Variants in HORMAD2 observed in about 807,000 individuals in gnomAD.
HORMAD2 encodes HORMA domain containing 2.
Under a neutral mutation model 38.8 loss-of-function variants are expected in HORMAD2, and 45 were observed. That is an observed-to-expected ratio of 1.16 (90% CI 0.91 to 1.49). HORMAD2 has a LOEUF of 1.49. Ranked by LOEUF, HORMAD2 falls within the 40% of genes most tolerant of loss-of-function variation. The pLI is 0.00. For synonymous variants in HORMAD2, 126 were observed against 122.8 expected (o/e 1.03, Z -0.17); for missense variants, 338 against 367.0 (o/e 0.92, Z 0.65).
chr22:30,152,483 C>T (rs147955273), intron 10 of HORMAD2, among the ~76,000 whole-genome samples: 23 of 151,868 alleles, frequency 1.5e-4, no homozygotes, highest in Non-Finnish European at 3.1e-4. Flanking sequence ...TGTACCACCA[C>T]GCATGACTAA....
At chr22:30,106,355 A>G (rs1257077919) in intron 5 of HORMAD2, among the ~76,000 whole-genome samples, 1 of 152,168 alleles carries the variant, frequency 6.6e-6, no homozygotes, top group African/African-American at 2.4e-5. Context: ...TTATGTAAAA[A>G]TATCAGAGAT....
intron 2 of HORMAD2, among the ~76,000 whole-genome samples, chr22:30,098,343 A>G (rs1160226131): frequency 3.3e-5 from 5 of 152,178 alleles, no homozygotes; most frequent in African/African-American, 1.2e-4. Context: ...AGAGACTGAG[A>G]CAGATATGTA....
At chr22:30,117,721 C>T (rs1922150082) in intron 7 of HORMAD2, among the ~76,000 whole-genome samples, 1 of 152,172 alleles carries the variant, frequency 6.6e-6, no homozygotes, top group Non-Finnish European at 1.5e-5. Context: ...ATTGGCCAGG[C>T]TGGTCTTGAA....
chr22:30,145,657 G>A (rs997406287), intron 10 of HORMAD2, among the ~76,000 whole-genome samples: 4 of 152,126 alleles, frequency 2.6e-5, no homozygotes, highest in African/African-American at 9.6e-5. Flanking sequence ...GAAACATAAT[G>A]AAAAAACAAA....
intron 5 of HORMAD2, among the ~76,000 whole-genome samples, chr22:30,106,861 C>G (rs1260818350): frequency 6.6e-6 from 1 of 152,202 alleles, no homozygotes; most frequent in East Asian, 1.9e-4. Context: ...CAAACTTTAG[C>G]TTGCATCAGA....
intron 10 of HORMAD2, among the ~76,000 whole-genome samples, chr22:30,145,078 T>C (rs1038581380): frequency 6.6e-5 from 10 of 152,184 alleles, no homozygotes; most frequent in Non-Finnish European, 1.2e-4. Context: ...TTAGAAGATA[T>C]TCTTGAACGG....
At chr22:30,198,300 G>C in the HORMAD2 span, among the ~76,000 whole-genome samples, 1 of 152,226 alleles carries the variant, frequency 6.6e-6, no homozygotes, top group African/African-American at 2.4e-5. Flanking sequence ...GCATGTAAGT[G>C]TGTGATTGTG....
intron 10 of HORMAD2, among the ~76,000 whole-genome samples, chr22:30,157,385 A>C (rs1431806136): frequency 6.6e-6 from 1 of 151,998 alleles, no homozygotes; most frequent in Non-Finnish European, 1.5e-5. Flanking sequence ...CTCTTTACAG[A>C]CATTATGTCA....
chr22:30,157,812 C>A (rs60964812), intron 10 of HORMAD2, among the ~76,000 whole-genome samples: 6,901 of 152,094 alleles, frequency 0.045, 521 homozygotes, highest in African/African-American at 0.16. Context: ...CTTCTCATAA[C>A]CTAAAAGAAA....
the HORMAD2 span, chr22:30,207,032 T>C: frequency 2.1e-6 from 1 of 469,694 alleles, no homozygotes; most frequent in Non-Finnish European, 4.4e-6. Flanking sequence ...CGTCCCCTCG[T>C]GTCGGCCTTG....
At chr22:30,117,641 T>G (rs1030474973) in intron 7 of HORMAD2, among the ~76,000 whole-genome samples, 6 of 152,128 alleles carry the variant, frequency 3.9e-5, no homozygotes, top group African/African-American at 1.4e-4. Flanking sequence ...CCTGAGTAGC[T>G]GGGATTACAG....
intron 10 of HORMAD2, among the ~76,000 whole-genome samples, chr22:30,125,748 A>C (rs1299840882): frequency 6.6e-6 from 1 of 152,194 alleles, no homozygotes; most frequent in Non-Finnish European, 1.5e-5. Flanking sequence ...TATGGAGTGA[A>C]ATAGACCAGA....
chr22:30,160,057 C>G (rs886937129), intron 10 of HORMAD2, among the ~76,000 whole-genome samples: 1 of 151,982 alleles, frequency 6.6e-6, no homozygotes, highest in African/African-American at 2.4e-5. Context: ...CTGCTTGTAC[C>G]TTTATTTAGC....
chr22:30,146,822 C>A (rs1924448608), intron 10 of HORMAD2, among the ~76,000 whole-genome samples: 1 of 152,164 alleles, frequency 6.6e-6, no homozygotes, highest in South Asian at 2.1e-4. Context: ...AAGACACCAC[C>A]AGAACTAATA....
At chr22:30,122,349 G>C (rs1922521435) in intron 10 of HORMAD2, 135 bp downstream of exon 10, 1 of 724,232 alleles carries the variant, frequency 1.4e-6, no homozygotes, top group African/African-American at 1.8e-5. Flanking sequence ...ACATCAAGGA[G>C]TTTTTAATCT....
At chr22:30,158,521 C>G (rs1925227111) in intron 10 of HORMAD2, among the ~76,000 whole-genome samples, 1 of 141,452 alleles carries the variant, frequency 7.1e-6, no homozygotes, top group Non-Finnish European at 1.6e-5. Context: ...CTTTTTCTTT[C>G]TCTCCTTTTC....
At chr22:30,120,130 A>G (rs913258636) in intron 8 of HORMAD2, among the ~76,000 whole-genome samples, 1 of 152,212 alleles carries the variant, frequency 6.6e-6, no homozygotes, top group African/African-American at 2.4e-5. Context: ...GGTAAGCTGT[A>G]AAACAAAAAT....
the HORMAD2 span, among the ~76,000 whole-genome samples, chr22:30,182,697 G>A: frequency 6.6e-6 from 1 of 152,248 alleles, no homozygotes; most frequent in East Asian, 1.9e-4. Context: ...AGGCTGAGGC[G>A]GGAGGATTGC....
At chr22:30,093,780 A>G in intron 1 of HORMAD2, 136 bp from the exon 2 acceptor site, 1 of 477,734 alleles carries the variant, frequency 2.1e-6, no homozygotes, top group Non-Finnish European at 3.7e-6. Flanking sequence ...CAATCTTGAA[A>G]ACAGTTTATA....
Sources: allele counts gnomAD v4.1 joint callset (sites outside exome capture counted in the v4.1 genomes callset), GRCh38; gene constraint gnomAD v4.1.1; transcripts MANE v1.5; gene names NCBI Gene and HGNC (gene_info 2026-07-23, HGNC 2026-07-21).